FAM13B: variants seen among roughly 807,000 people sequenced by gnomAD.
The protein encoded by FAM13B is protein FAM13B.
FAM13B carries 60 observed loss-of-function variants against 117.3 expected under a neutral mutation model. The observed-to-expected ratio is 0.51, with a 90% CI of 0.42 to 0.63. The LOEUF is 0.63. Among genes scored for constraint, FAM13B ranks in the 30% least tolerant of loss-of-function variants. The pLI is 0.00. For synonymous variants in FAM13B, 332 were observed against 356.1 expected, an observed-to-expected ratio of 0.93 and a Z score of 0.76; for missense variants, 972 against 1,091.9, an observed-to-expected ratio of 0.89 and a Z score of 1.55.
At chr5:138,038,076 C>T (rs2151122348), upstream of FAM13B, among the ~76,000 whole-genome samples, 1 of 152,310 alleles carries the variant, frequency 6.6e-6, no homozygotes, top group East Asian at 1.9e-4. Context: ...AGAGAACAAC[C>T]TGAAAATGTC....
At chr5:138,045,945 C>CAAA (rs567863456) in intron 1 of FAM13B, among the ~76,000 whole-genome samples, 3 of 141,870 alleles carry the variant, frequency 2.1e-5, no homozygotes, top group Non-Finnish European at 3.0e-5. Context: ...AATTCCATCT[C>CAAA]AAAAAAAAAA....
chr5:138,035,374 A>G (rs1395167110), upstream of FAM13B, among the ~76,000 whole-genome samples: 1 of 152,088 alleles, frequency 6.6e-6, no homozygotes, highest in East Asian at 1.9e-4. Context: ...GAATTGATCA[A>G]TGACCATTTT....
At position 137,942,858 on chromosome 5, in the gene FAM13B, C is replaced by T; in HGVS notation, c.2588+17G>A. On this transcript the variant is annotated intron_variant, in intron 22 of 23. Coordinates refer to ENST00000689681, the MANE Select transcript of FAM13B (RefSeq NM_001385994.1). The stretch of plus-strand genomic sequence containing the variant: ...TTATTATAAAAATAGGCTAAAATCA[C>T]AAATCAGCATACATACATAGAAGCT... The T allele has an allele frequency of 1.9e-6, 3 of 1,576,934 alleles. No homozygotes were observed. The highest frequency in any genetic ancestry group is 2.1e-5 in the Admixed American group (1 of 48,162).
At chr5:138,009,006 G>A (rs1783260058) in intron 6 of FAM13B, among the ~76,000 whole-genome samples, 1 of 152,198 alleles carries the variant, frequency 6.6e-6, no homozygotes, top group Non-Finnish European at 1.5e-5. Flanking sequence ...AGCCGGATGT[G>A]GTGGCATGTG....
chr5:138,024,063 T>C (rs1416773356), intron 1 of FAM13B, among the ~76,000 whole-genome samples: 1 of 152,116 alleles, frequency 6.6e-6, no homozygotes, highest in Non-Finnish European at 1.5e-5. Flanking sequence ...CATTATTTAG[T>C]CCTGTTTCCT....
At chr5:138,030,410 C>CTTTT (rs59704298) in intron 1 of FAM13B, among the ~76,000 whole-genome samples, 2 of 135,458 alleles carry the variant, frequency 1.5e-5, no homozygotes, top group African/African-American at 2.7e-5. Context: ...CCATGCCTGG[C>CTTTT]TTTTTTTTTT....
rs535116161 is a variant in FAM13B, at chr5:138,019,290, C to T, written c.-35-144G>A. 2.6e-4 allele frequency: 170 copies of T among 662,840 alleles called. 1 individual carries two copies. The highest frequency in any genetic ancestry group is 2.5e-3 in the Admixed American group (84 of 33,552). 41.1% of individuals were successfully genotyped at this position (662,840 alleles called of 1,614,324 possible). A position where few individuals can be genotyped will look rare whatever the true frequency, so the allele number is the denominator to read the frequency against. Reference sequence around the variant, plus strand: ...GTTAGCAGGCCCATAGTGTGTTCTACAGATGAAGTTCAGTACAATTACCTA... The same window carrying T: ...GTTAGCAGGCCCATAGTGTGTTCTATAGATGAAGTTCAGTACAATTACCTA... On this transcript the variant is annotated intron_variant, in intron 2 of 23. Coordinates refer to ENST00000689681, the MANE Select transcript of FAM13B (RefSeq NM_001385994.1).
intron 23 of FAM13B, 158 bp from the exon 24 acceptor site, chr5:137,940,506 AT>A: frequency 1.7e-6 from 1 of 575,088 alleles, no homozygotes; most frequent in Non-Finnish European, 3.0e-6. Context: ...TAATACCCTC[AT>A]CCCCAAGGAA....
At chr5:138,015,156 T>C (rs1397095223) in intron 4 of FAM13B, among the ~76,000 whole-genome samples, 1 of 152,186 alleles carries the variant, frequency 6.6e-6, no homozygotes, top group African/African-American at 2.4e-5. Context: ...TCAGGGATGC[T>C]GCTAAACATC....
At chr5:138,047,272 C>G (rs1205686640) in intron 1 of FAM13B, among the ~76,000 whole-genome samples, 3 of 150,712 alleles carry the variant, frequency 2.0e-5, no homozygotes, top group Non-Finnish European at 3.0e-5. Flanking sequence ...TTTGGGAGGC[C>G]GAGGCGGGTG....
At chr5:138,010,270 C>T (rs1051579132) in intron 6 of FAM13B, among the ~76,000 whole-genome samples, 1 of 152,144 alleles carries the variant, frequency 6.6e-6, no homozygotes, top group Admixed American at 6.5e-5. Context: ...CATGAGCCAC[C>T]ACGCCTGGCC....
chr5:137,967,156 TTAAG>T (rs1252405281), intron 10 of FAM13B, among the ~76,000 whole-genome samples: 1 of 151,618 alleles, frequency 6.6e-6, no homozygotes, highest in Non-Finnish European at 1.5e-5. Flanking sequence ...AAAAATGACT[TTAAG>T]TAGTCAAAAG....
intron 10 of FAM13B, among the ~76,000 whole-genome samples, chr5:137,983,436 CA>C (rs1776385330): frequency 6.6e-6 from 1 of 152,098 alleles, no homozygotes; most frequent in Non-Finnish European, 1.5e-5. Flanking sequence ...GAGACACAGA[CA>C]ATTCTTCCAG....
At chr5:137,968,915 G>C (rs868004142) in intron 10 of FAM13B, among the ~76,000 whole-genome samples, 1 of 152,132 alleles carries the variant, frequency 6.6e-6, no homozygotes, top group African/African-American at 2.4e-5. Context: ...CTTAAAAAAC[G>C]GCACACCAGG....
chr5:137,959,617 T>C lies in FAM13B; in HGVS notation c.1440A>G (p.Glu480=). 1 of 1,613,740 alleles carries C rather than the reference T, an allele frequency of 6.2e-7. No individual in the cohort carries two copies. Residue 480 remains glutamate, a splice_region_variant and synonymous_variant, in exon 13 of 24, where the codon GAA becomes GAG. Transcript: ENST00000689681. ...LKNVSDGDKW[E]ASCPITFPLI... ...AATAATGCGTGTGGGTAAAATTACC[T>C]TCCCATTTATCACCATCAGAAACAT...
chr5:137,995,454 C>T (rs1779626378), intron 7 of FAM13B, among the ~76,000 whole-genome samples: 1 of 152,096 alleles, frequency 6.6e-6, no homozygotes, highest in South Asian at 2.1e-4. Context: ...CAAAATAGTG[C>T]TATTGTTCAA....
Position 138,009,872 on chromosome 5 carries a change from C to T in FAM13B, c.690+1136G>A, listed in dbSNP as rs563950855. Reference sequence around the variant, plus strand: ...TGTGGTTGATTAATAAAAGCCTGGGCACAACAGCAAAATATCAAAAAAAAT... The same window carrying T: ...TGTGGTTGATTAATAAAAGCCTGGGTACAACAGCAAAATATCAAAAAAAAT... On this transcript the variant is annotated intron_variant, in intron 6 of 23. Coordinates refer to ENST00000689681, the MANE Select transcript of FAM13B (RefSeq NM_001385994.1). 2.0e-5 allele frequency among the ~76,000 whole-genome samples: 3 copies of T among 150,420 alleles called. No individual in the cohort carries two copies. The East Asian group carries it at 5.8e-4, about 29-fold the overall frequency.
intron 15 of FAM13B, 111 bp from the exon 16 acceptor site, chr5:137,953,576 A>T (rs902645069): frequency 1.7e-6 from 2 of 1,145,308 alleles, no homozygotes; most frequent in African/African-American, 3.1e-5. Context: ...AGGTAAAAAT[A>T]AGTCCCTAAC....
chr5:137,998,511 G>C (rs2150737911), intron 7 of FAM13B, among the ~76,000 whole-genome samples: 1 of 152,226 alleles, frequency 6.6e-6, no homozygotes, highest in South Asian at 2.1e-4. Flanking sequence ...ATTTTTACTT[G>C]AAAGACTAAC....
Sources: allele counts gnomAD v4.1 joint callset (sites outside exome capture counted in the v4.1 genomes callset), GRCh38; gene constraint gnomAD v4.1.1; transcripts MANE v1.5; gene names NCBI Gene and HGNC (gene_info 2026-07-23, HGNC 2026-07-21).